The following CCL26 variants were observed in gnomAD, a reference collection of about 807,000 sequenced individuals.
CCL26 encodes the protein C-C motif chemokine 26.
In CCL26, 10 loss-of-function variants were observed where a neutral mutation model predicts 10.7. The ratio of observed to expected loss-of-function variants is 0.93; its 90% CI spans 0.57 to 1.58. CCL26 has a LOEUF of 1.58. Among genes scored for constraint, CCL26 ranks in the 40% most tolerant of loss-of-function variants. The pLI is 0.00. For missense variants in CCL26, 116 were observed against 111.0 expected (o/e 1.05, Z -0.20); for synonymous variants, 43 against 41.4 (o/e 1.04, Z -0.15).
chr7:75,777,940 G>A (rs1053539881), intron 1 of CCL26, among the ~76,000 whole-genome samples: 12 of 150,150 alleles, frequency 8.0e-5, no homozygotes, highest in Admixed American at 2.0e-4. Context: ...GGCTGGTCTC[G>A]AACTCCTGGC....
chr7:75,770,032 T>G (rs1340517914), intron 2 of CCL26, among the ~76,000 whole-genome samples: 1 of 151,734 alleles, frequency 6.6e-6, no homozygotes, highest in Non-Finnish European at 1.5e-5. Context: ...TTCCACCAGT[T>G]CTAGCCTGCA....
intron 1 of CCL26, among the ~76,000 whole-genome samples, chr7:75,786,718 G>T (rs868953679): frequency 1.4e-4 from 21 of 151,938 alleles, no homozygotes; most frequent in Admixed American, 1.4e-3. Flanking sequence ...TCTTCTCATC[G>T]GTCACTCCCA....
At chr7:75,788,535 G>T (rs1015276996) in intron 1 of CCL26, among the ~76,000 whole-genome samples, 1 of 151,876 alleles carries the variant, frequency 6.6e-6, no homozygotes, top group African/African-American at 2.4e-5. Flanking sequence ...AAGCCTGTTT[G>T]GTGGTCTCTT....
At chr7:75,777,089 G>C (rs550789631), upstream of CCL26, among the ~76,000 whole-genome samples, 1 of 152,026 alleles carries the variant, frequency 6.6e-6, no homozygotes, top group Non-Finnish European at 1.5e-5. Flanking sequence ...AAAATTAGCC[G>C]GGTGTGGTGG....
upstream of CCL26, among the ~76,000 whole-genome samples, chr7:75,776,813 A>T (rs918098493): frequency 6.6e-6 from 1 of 152,194 alleles, no homozygotes; most frequent in Admixed American, 6.6e-5. Flanking sequence ...GTTAGTGAGG[A>T]TGTGGTGCAT....
intron 1 of CCL26, among the ~76,000 whole-genome samples, chr7:75,778,788 G>A (rs1802997216): frequency 6.6e-6 from 1 of 152,014 alleles, no homozygotes; most frequent in East Asian, 1.9e-4. Flanking sequence ...TTTAAAGGAT[G>A]GGAGTCATGC....
chr7:75,783,566 G>T (rs191673774), intron 1 of CCL26, among the ~76,000 whole-genome samples: 302 of 152,252 alleles, frequency 2.0e-3, no homozygotes, highest in Non-Finnish European at 3.0e-3. Flanking sequence ...TTGGGAGGCC[G>T]AGGTGGGCGG....
chr7:75,779,828 T>C (rs557750763), intron 1 of CCL26, among the ~76,000 whole-genome samples: 17 of 152,226 alleles, frequency 1.1e-4, no homozygotes, highest in Non-Finnish European at 2.2e-4. Context: ...AGCCCAGGGC[T>C]GCTCCCCACC....
At chr7:75,773,777 G>A (rs1554528425), upstream of CCL26, among the ~76,000 whole-genome samples, 1 of 151,876 alleles carries the variant, frequency 6.6e-6, no homozygotes, top group African/African-American at 2.4e-5. Flanking sequence ...GAGCAACTTG[G>A]GAGGCTGAGG....
chr7:75,777,765 G>T (rs1297613359), intron 1 of CCL26, among the ~76,000 whole-genome samples: 2 of 104,674 alleles, frequency 1.9e-5, no homozygotes, highest in Admixed American at 1.0e-4. Context: ...AGATAAGAAA[G>T]AATAATGTTG....
At chr7:75,788,870 C>CT (rs1448556845) in intron 1 of CCL26, among the ~76,000 whole-genome samples, 4 of 151,912 alleles carry the variant, frequency 2.6e-5, no homozygotes, top group African/African-American at 9.7e-5. Context: ...CCTTTTAACC[C>CT]TTGTGGAAAT....
In CCL26 at chr7:75,780,547, C is replaced by T. The variant is rs543051851; in HGVS notation, c.-78-8293G>A. On this transcript the variant is annotated intron_variant, in intron 1 of 3. Coordinates refer to the CCL26 transcript ENST00000394905. ...CAAATAGCCAGAAAAATGGCACTTT[C>T]GATTTTTCCATCCTTCAAGATCTAG... 3.7e-4 allele frequency among the ~76,000 whole-genome samples: 56 copies of T among 152,276 alleles called. No homozygotes were observed. The South Asian group carries it at 7.5e-3, about 20-fold the overall frequency.
intron 1 of CCL26, among the ~76,000 whole-genome samples, chr7:75,789,459 C>T (rs151236770): frequency 1.9e-5 from 2 of 104,278 alleles, no homozygotes; most frequent in Non-Finnish European, 1.8e-5. Context: ...TTCTCTTTTT[C>T]TCTTTTTTTT....
chr7:75,781,762 C>G lies in CCL26; in HGVS notation c.-79+7955G>C, dbSNP rs1424672314. Among the ~76,000 whole-genome samples, 6 of 152,142 alleles carry G rather than the reference C, an allele frequency of 3.9e-5. No homozygotes were observed. In the East Asian group the frequency reaches 9.6e-4, roughly 24 times the overall value. The stretch of plus-strand genomic sequence containing the variant: ...CCGCCCCTGCCCGCCAGAGAACAAC[C>G]CCCTTTGACTGTAATTTTCCTTTAC... On this transcript the variant is annotated intron_variant, in intron 1 of 3. Coordinates refer to the CCL26 transcript ENST00000394905.
rs1554528159 is a variant in CCL26 at position 75,772,004 on chromosome 7, C to T, written c.74-1G>A. 4 of 1,612,246 alleles carry T rather than the reference C, an allele frequency of 2.5e-6. No individual in the cohort carries two copies. The highest frequency in any genetic ancestry group is 1.3e-5 in the African/African-American group (1 of 74,906). The stretch of plus-strand genomic sequence containing the variant: ...CAGGTCTTGGATATGTCACTCCCAC[C>T]TAAAAATCAGGGAGAGGAAGGGTTT... On this transcript the variant is annotated splice_acceptor_variant, in intron 1 of 2. Coordinates refer to ENST00000005180, the MANE Select transcript of CCL26 (RefSeq NM_001371938.1). LOFTEE classifies it high-confidence loss of function.
chr7:75,782,635 G>T (rs549225254), intron 1 of CCL26, among the ~76,000 whole-genome samples: 1 of 151,926 alleles, frequency 6.6e-6, no homozygotes, highest in Non-Finnish European at 1.5e-5. Flanking sequence ...CTGCAATACC[G>T]CTTGGCCCAA....
chr7:75,781,110 A>T (rs1172231425), intron 1 of CCL26, among the ~76,000 whole-genome samples: 1 of 152,250 alleles, frequency 6.6e-6, no homozygotes, highest in Admixed American at 6.5e-5. Context: ...TTACAGCCCT[A>T]GGCCCTGAAA....
intron 1 of CCL26, among the ~76,000 whole-genome samples, chr7:75,781,424 C>T (rs1387132000): frequency 6.6e-6 from 1 of 152,204 alleles, no homozygotes; most frequent in African/African-American, 2.4e-5. Context: ...GATCTTGATT[C>T]AAGTGCCAGA....
upstream of CCL26, among the ~76,000 whole-genome samples, chr7:75,775,941 A>G (rs569044016): frequency 6.7e-6 from 1 of 149,910 alleles, no homozygotes; most frequent in African/African-American, 2.5e-5. Context: ...GGATTACAGC[A>G]GTGAGCCACC....
Sources: gnomAD v4.1 joint callset for allele counts (sites outside exome capture counted in the v4.1 genomes callset) on GRCh38, gnomAD v4.1.1 for gene constraint, MANE v1.5 for transcripts, NCBI Gene and HGNC (gene_info 2026-07-23, HGNC 2026-07-21) for gene names.